JARID2: variants seen among roughly 807,000 people sequenced by gnomAD.
JARID2 encodes jumonji and AT-rich interaction domain containing 2.
Under a neutral mutation model 125.6 loss-of-function variants are expected in JARID2, and 21 were observed. The observed-to-expected ratio is 0.17, with a 90% CI of 0.12 to 0.24. The LOEUF (loss-of-function observed/expected upper bound fraction) is 0.24, where lower values mean the gene tolerates loss of function less well. Ranked by LOEUF, JARID2 falls within the 10% of genes least tolerant of loss-of-function variation. JARID2 has a pLI of 1.00. For missense variants in JARID2, 1,303 were observed against 1,639.6 expected (o/e 0.79, Z 3.55); for synonymous variants, 736 against 661.6 (o/e 1.11, Z -1.73).
chr6:15,260,010 C>T (rs1316385946), intron 1 of JARID2, among the ~76,000 whole-genome samples: 2 of 152,116 alleles, frequency 1.3e-5, no homozygotes, highest in Non-Finnish European at 2.9e-5. Context: ...AGGTCTTGAC[C>T]TAAAACTTTA....
intron 2 of JARID2, among the ~76,000 whole-genome samples, chr6:15,406,651 C>T (rs1765662943): frequency 6.6e-6 from 1 of 152,156 alleles, no homozygotes; most frequent in African/African-American, 2.4e-5. Flanking sequence ...TCTTTTTGCT[C>T]AGTCATGCCT....
At chr6:15,283,065 G>C (rs529841273) in intron 1 of JARID2, among the ~76,000 whole-genome samples, 16 of 151,110 alleles carry the variant, frequency 1.1e-4, no homozygotes, top group Admixed American at 2.0e-4. Flanking sequence ...TGTAAGCTCT[G>C]CCTCCCGGGT....
At chr6:15,503,908 G>A (rs1001519947) in intron 8 of JARID2, among the ~76,000 whole-genome samples, 5 of 152,150 alleles carry the variant, frequency 3.3e-5, no homozygotes, top group African/African-American at 1.2e-4. Flanking sequence ...GCAACAGAGG[G>A]GCATCGAAGA....
chr6:15,505,450 T>G (rs948833338), intron 9 of JARID2, among the ~76,000 whole-genome samples: 18 of 152,096 alleles, frequency 1.2e-4, no homozygotes, highest in Admixed American at 3.9e-4. Flanking sequence ...TCAGGTATCT[T>G]GTTTTGCCCA....
At position 15,511,414 on chromosome 6, in the gene JARID2, A is replaced by T; in HGVS notation, c.2952+13A>T. The T allele has an allele frequency of 6.3e-7, 1 of 1,579,866 alleles. No homozygotes were observed. Among genetic ancestry groups the T allele is most frequent in the Non-Finnish European group, 8.7e-7 (1 of 1,150,864 alleles). The stretch of plus-strand genomic sequence containing the variant: ...AAGCAACGTCATGGTGCGTCCACTC[A>T]GCCACCGCCTCCAGCAGGAGCTGTA... On this transcript the variant is annotated intron_variant, in intron 13 of 17. Transcript: ENST00000341776.
At chr6:15,362,747 A>G (rs540102538) in intron 1 of JARID2, among the ~76,000 whole-genome samples, 1 of 152,202 alleles carries the variant, frequency 6.6e-6, no homozygotes, top group African/African-American at 2.4e-5. Flanking sequence ...TTGTAGAGAA[A>G]GAACGTGGGG....
At chr6:15,474,538 A>G (rs1769249429) in intron 5 of JARID2, among the ~76,000 whole-genome samples, 2 of 149,160 alleles carry the variant, frequency 1.3e-5, no homozygotes, top group South Asian at 4.2e-4. Context: ...CTGATTCTTA[A>G]TTTCTACTTC....
intron 1 of JARID2, among the ~76,000 whole-genome samples, chr6:15,364,691 ACT>A (rs1158482487): frequency 6.6e-6 from 1 of 152,142 alleles, no homozygotes; most frequent in African/African-American, 2.4e-5. Flanking sequence ...GGCACATAAG[ACT>A]CTCAGGGACG....
At chr6:15,290,023 A>C (rs1306699096) in intron 1 of JARID2, among the ~76,000 whole-genome samples, 1 of 152,228 alleles carries the variant, frequency 6.6e-6, no homozygotes, top group African/African-American at 2.4e-5. Context: ...TATAATTGAC[A>C]GTCAAATGCA....
chr6:15,334,894 TC>T (rs1446103409), intron 1 of JARID2, among the ~76,000 whole-genome samples: 1 of 152,232 alleles, frequency 6.6e-6, no homozygotes, highest in Non-Finnish European at 1.5e-5. Context: ...ATTGCTATTT[TC>T]ATTGGTTTAA....
At chr6:15,290,514 GACAGCT>G (rs1761165213) in intron 1 of JARID2, among the ~76,000 whole-genome samples, 1 of 152,176 alleles carries the variant, frequency 6.6e-6, no homozygotes, top group Non-Finnish European at 1.5e-5. Flanking sequence ...CCACATCCTT[GACAGCT>G]TGGTATTGTC....
At position 15,515,758 on chromosome 6, in the gene JARID2, A is replaced by AC. The variant is rs1554148583; in HGVS notation, c.3451-1403_3451-1402insC. 1.1e-3 allele frequency among the ~76,000 whole-genome samples: 169 copies of AC among 151,016 alleles called. 1 individual carries two copies. The highest frequency in any genetic ancestry group is 5.1e-3 in the Admixed American group (77 of 15,200). On this transcript the variant is annotated intron_variant, in intron 16 of 17. Transcript: ENST00000341776. The stretch of plus-strand genomic sequence containing the variant: ...AGTGACAACCTGTCTCTTTAAAAAA[A>AC]AAAAACAAAAACAAAAACCAGGCAC...
intron 1 of JARID2, among the ~76,000 whole-genome samples, chr6:15,300,662 C>T (rs190550264): frequency 6.8e-6 from 1 of 147,200 alleles, no homozygotes; most frequent in East Asian, 2.0e-4. Flanking sequence ...AACCTGTTTG[C>T]AAAGACCCAG....
At chr6:15,286,656 CG>C (rs1297324024) in intron 1 of JARID2, among the ~76,000 whole-genome samples, 2 of 151,570 alleles carry the variant, frequency 1.3e-5, no homozygotes, top group Non-Finnish European at 2.9e-5. Context: ...GTCAGGAGAT[CG>C]AGAGCATCCT....
chr6:15,288,925 AGATGAGTCAGCTTCTCTC>A (rs1334614038), intron 1 of JARID2, among the ~76,000 whole-genome samples: 3 of 152,202 alleles, frequency 2.0e-5, no homozygotes, highest in African/African-American at 7.2e-5. Context: ...CCCAAGCCGG[AGATGAGTCAGCTTCTCTC>A]GTTAGTGAGC....
In JARID2 at chr6:15,497,278, C is replaced by T. The variant is rs764170456; in HGVS notation, c.1945+108C>T. On this transcript the variant is annotated intron_variant, in intron 7 of 17. Transcript: ENST00000341776. ...TCTTCCCTTGCGAAAGCTCCAGTTCCGCTTCCCTGTCTCGGGAGTAGTGGG... is the reference window on the plus strand; with the variant it reads ...TCTTCCCTTGCGAAAGCTCCAGTTCTGCTTCCCTGTCTCGGGAGTAGTGGG... 1.2e-4 allele frequency: 104 copies of T among 858,214 alleles called. No individual in the cohort carries two copies. The Middle Eastern group carries it at 2.1e-3, about 17-fold the overall frequency. The allele number at this position is 858,214 out of a possible 1,614,324, so 53.2% of individuals were successfully genotyped here. A position where few individuals can be genotyped will look rare whatever the true frequency, so the allele number is the denominator to read the frequency against.
At chr6:15,511,900 T>C (rs1771298366) in intron 13 of JARID2, among the ~76,000 whole-genome samples, 1 of 152,190 alleles carries the variant, frequency 6.6e-6, no homozygotes. Context: ...TACTTGGCTC[T>C]GGAGATGAGC....
chr6:15,314,193 C>T (rs2127431334), intron 1 of JARID2, among the ~76,000 whole-genome samples: 1 of 152,308 alleles, frequency 6.6e-6, no homozygotes, highest in East Asian at 1.9e-4. Flanking sequence ...GCTGTGGCTC[C>T]TGTTTCCCCC....
chr6:15,499,980 T>C (rs1401205471), intron 7 of JARID2, among the ~76,000 whole-genome samples: 2 of 152,186 alleles, frequency 1.3e-5, no homozygotes, highest in African/African-American at 4.8e-5. Context: ...TTACCTTTTA[T>C]TACTTAAAAA....
Sources: allele counts gnomAD v4.1 joint callset (sites outside exome capture counted in the v4.1 genomes callset), GRCh38; gene constraint gnomAD v4.1.1; transcripts MANE v1.5; gene names NCBI Gene and HGNC (gene_info 2026-07-23, HGNC 2026-07-21).